The following ULK4 variants were observed in gnomAD, a reference collection of about 807,000 sequenced individuals.
The protein encoded by ULK4 is inactive serine/threonine-protein kinase ULK4.
Under a neutral mutation model 160.6 loss-of-function variants are expected in ULK4, and 133 were observed. The ratio of observed to expected loss-of-function variants is 0.83; its 90% confidence interval spans 0.72 to 0.96. ULK4 has a LOEUF of 0.96. Ranked by LOEUF, ULK4 falls within the 40% of genes least tolerant of loss-of-function variation. ULK4 has a pLI of 0.00. For synonymous variants in ULK4, 534 were observed against 539.8 expected, an observed-to-expected ratio of 0.99 and a Z score of 0.15; for missense variants, 1,580 against 1,499.5, an observed-to-expected ratio of 1.05 and a Z score of -0.89.
At chr3:41,284,971 C>A (rs1220588224) in intron 35 of ULK4, among the ~76,000 whole-genome samples, 3 of 151,988 alleles carry the variant, frequency 2.0e-5, no homozygotes, top group Non-Finnish European at 4.4e-5. Flanking sequence ...ATACAAATGG[C>A]CAACAAACAT....
chr3:41,655,776 T>C (rs6768832), intron 30 of ULK4, among the ~76,000 whole-genome samples: 1 of 152,334 alleles, frequency 6.6e-6, no homozygotes, highest in East Asian at 1.9e-4. Flanking sequence ...TAAATTCAGC[T>C]AATTGAGGGT....
intron 30 of ULK4, among the ~76,000 whole-genome samples, chr3:41,658,908 T>C (rs1307855610): frequency 6.7e-6 from 1 of 149,406 alleles, no homozygotes; most frequent in African/African-American, 2.5e-5. Context: ...TGTAGTCATA[T>C]TCCCCAATCA....
chr3:41,878,841 T>C (rs1383790440), intron 17 of ULK4, among the ~76,000 whole-genome samples: 3 of 152,134 alleles, frequency 2.0e-5, no homozygotes, highest in Non-Finnish European at 4.4e-5. Flanking sequence ...ATTGTCTCAC[T>C]TCCTATGAAG....
intron 30 of ULK4, among the ~76,000 whole-genome samples, chr3:41,642,832 C>T (rs2034285643): frequency 6.6e-6 from 1 of 152,158 alleles, no homozygotes; most frequent in Admixed American, 6.5e-5. Context: ...CCTATTTCTC[C>T]ACCTCCTCTC....
intron 35 of ULK4, among the ~76,000 whole-genome samples, chr3:41,326,839 G>T (rs1252668834): frequency 6.6e-6 from 1 of 152,156 alleles, no homozygotes. Flanking sequence ...ACATCCATTA[G>T]CCAGCCTAGC....
chr3:41,366,891 A>C (rs1208643567), intron 35 of ULK4, among the ~76,000 whole-genome samples: 1 of 152,166 alleles, frequency 6.6e-6, no homozygotes, highest in Non-Finnish European at 1.5e-5. Flanking sequence ...TGTACCTGCC[A>C]CAGTTCTTAA....
intron 32 of ULK4, among the ~76,000 whole-genome samples, chr3:41,553,731 C>T (rs934477811): frequency 2.6e-5 from 4 of 152,004 alleles, no homozygotes; most frequent in African/African-American, 7.2e-5. Flanking sequence ...TTATGGGGTA[C>T]ATAAGATATT....
intron 2 of ULK4, 126 bp from the exon 3 acceptor site, chr3:41,938,323 A>G (rs1279505939): frequency 1.5e-6 from 1 of 670,678 alleles, no homozygotes; most frequent in Non-Finnish European, 2.4e-6. Flanking sequence ...GTGGAATTCT[A>G]TACAGACATT....
chr3:41,784,394 A>C (rs925535018), intron 21 of ULK4, among the ~76,000 whole-genome samples: 1 of 152,090 alleles, frequency 6.6e-6, no homozygotes, highest in Non-Finnish European at 1.5e-5. Context: ...AGATCACTCT[A>C]TTGCACTCCA....
intron 35 of ULK4, among the ~76,000 whole-genome samples, chr3:41,340,379 T>C (rs1282342799): frequency 1.3e-5 from 2 of 152,208 alleles, no homozygotes; most frequent in African/African-American, 4.8e-5. Flanking sequence ...CTAGGCAAGG[T>C]TATCCATGGT....
chr3:41,347,151 G>A lies in ULK4; in HGVS notation c.3678+50928C>T, dbSNP rs534568233. On this transcript the variant is annotated intron_variant, in intron 35 of 36. Transcript: ENST00000301831. The stretch of plus-strand genomic sequence containing the variant: ...AAAGCAGGCACTAAATAAAAGTGCC[G>A]TCGCTGCAGCTCTAGCTGAGTTCAA... Among the ~76,000 whole-genome samples the A allele has an allele frequency of 5.9e-4, 90 of 152,202 alleles. 1 individual carries two copies. The highest frequency in any genetic ancestry group is 1.6e-3 in the Admixed American group (24 of 15,288).
chr3:41,441,454 T>C (rs1049730751), intron 34 of ULK4, among the ~76,000 whole-genome samples: 3 of 152,096 alleles, frequency 2.0e-5, no homozygotes, highest in African/African-American at 7.2e-5. Flanking sequence ...CAAGTATCTT[T>C]TTTAAATTGG....
intron 33 of ULK4, among the ~76,000 whole-genome samples, chr3:41,462,329 A>G (rs918888909): frequency 6.6e-6 from 1 of 152,192 alleles, no homozygotes; most frequent in African/African-American, 2.4e-5. Flanking sequence ...CCATCATTTG[A>G]TATACATCTC....
intron 32 of ULK4, among the ~76,000 whole-genome samples, chr3:41,471,755 C>A (rs1051102810): frequency 6.6e-6 from 1 of 151,150 alleles, no homozygotes; most frequent in African/African-American, 2.4e-5. Context: ...CCTGAACAAC[C>A]AATGAGTTAA....
chr3:41,588,420 A>C (rs1259596478), intron 31 of ULK4, among the ~76,000 whole-genome samples: 1 of 152,210 alleles, frequency 6.6e-6, no homozygotes, highest in East Asian at 1.9e-4. Context: ...AATTATGACA[A>C]AATCATGGTG....
intron 34 of ULK4, among the ~76,000 whole-genome samples, chr3:41,451,744 A>C (rs1454730687): frequency 2.0e-5 from 3 of 152,206 alleles, no homozygotes; most frequent in Non-Finnish European, 4.4e-5. Flanking sequence ...ACAGACTAAT[A>C]AATTGTCATA....
At chr3:41,328,347 A>G (rs1559526979) in intron 35 of ULK4, among the ~76,000 whole-genome samples, 3 of 152,168 alleles carry the variant, frequency 2.0e-5, no homozygotes, top group Non-Finnish European at 2.9e-5. Flanking sequence ...CTATTATCAG[A>G]CCACAGATGG....
At chr3:41,371,783 T>A (rs1331049774) in intron 35 of ULK4, among the ~76,000 whole-genome samples, 1 of 151,998 alleles carries the variant, frequency 6.6e-6, no homozygotes, top group African/African-American at 2.4e-5. Context: ...CAAAACTGGA[T>A]GGAGAACGAG....
intron 32 of ULK4, among the ~76,000 whole-genome samples, chr3:41,466,935 T>G (rs2083849701): frequency 6.6e-6 from 1 of 152,070 alleles, no homozygotes; most frequent in African/African-American, 2.4e-5. Flanking sequence ...TAACAGTCAA[T>G]AAGTATATGA....
Sources: gnomAD v4.1 joint callset for allele counts (sites outside exome capture counted in the v4.1 genomes callset) on GRCh38, gnomAD v4.1.1 for gene constraint, MANE v1.5 for transcripts, NCBI Gene and HGNC (gene_info 2026-07-23, HGNC 2026-07-21) for gene names.